The following PRKAR1B variants were observed in gnomAD, a reference collection of about 807,000 sequenced individuals.
PRKAR1B encodes the protein protein kinase cAMP-dependent type I regulatory subunit beta.
A neutral mutation model predicts 46.5 loss-of-function variants in PRKAR1B; 22 were observed. The ratio of observed to expected loss-of-function variants is 0.47; its 90% CI spans 0.34 to 0.68. The LOEUF (loss-of-function observed/expected upper bound fraction) is 0.68. PRKAR1B is among the 30% of genes least tolerant of loss of function. The pLI, the probability that PRKAR1B is intolerant of heterozygous loss-of-function variation, is 0.01. For synonymous variants in PRKAR1B, 259 were observed against 217.7 expected (o/e 1.19, Z -1.67); for missense variants, 445 against 535.6 (o/e 0.83, Z 1.67).
chr7:711,295 C>A (rs770081091), intron 2 of PRKAR1B, 34 bp downstream of exon 2: 2 of 1,611,500 alleles, frequency 1.2e-6, no homozygotes, highest in Non-Finnish European at 1.7e-6. Context: ...AGGACACGTG[C>A]GAAGGGAAGC....
At chr7:708,353 G>A (rs1425615765) in intron 2 of PRKAR1B, among the ~76,000 whole-genome samples, 2 of 152,216 alleles carry the variant, frequency 1.3e-5, no homozygotes, top group East Asian at 1.9e-4. Context: ...GTGTGGTACA[G>A]TCATCCCCTG....
chr7:698,204 A>G (rs1779873510), intron 2 of PRKAR1B, among the ~76,000 whole-genome samples: 1 of 152,090 alleles, frequency 6.6e-6, no homozygotes, highest in African/African-American at 2.4e-5. Context: ...CAGGAGTTCA[A>G]GACCAGCCTG....
At chr7:607,367 C>A (rs1234543812) in intron 5 of PRKAR1B, 24 bp downstream of exon 5, 1 of 1,607,388 alleles carries the variant, frequency 6.2e-7, no homozygotes, top group Non-Finnish European at 8.5e-7. Context: ...TGGACTTTGG[C>A]TCCGAGGAGC....
At chr7:622,089 C>A (rs1783136653) in intron 4 of PRKAR1B, among the ~76,000 whole-genome samples, 2 of 152,228 alleles carry the variant, frequency 1.3e-5, no homozygotes, top group Admixed American at 1.3e-4. Context: ...TGTGGAACTG[C>A]AGCCAGAGGT....
intron 2 of PRKAR1B, among the ~76,000 whole-genome samples, chr7:698,503 T>C (rs1188661326): frequency 6.6e-6 from 1 of 152,038 alleles, no homozygotes; most frequent in Non-Finnish European, 1.5e-5. Flanking sequence ...TCTAGGTAAG[T>C]ACGTGCGTGA....
chr7:711,285 A>G (rs1016322392), intron 2 of PRKAR1B, 44 bp downstream of exon 2: 1 of 1,607,222 alleles, frequency 6.2e-7, no homozygotes, highest in African/African-American at 1.3e-5. Context: ...CCTCTGCCCC[A>G]GGACACGTGC....
At chr7:594,570 T>G (rs2128455766) in intron 7 of PRKAR1B, among the ~76,000 whole-genome samples, 1 of 152,108 alleles carries the variant, frequency 6.6e-6, no homozygotes, top group Non-Finnish European at 1.5e-5. Context: ...CCTGGAGGCC[T>G]CTGCCCAGCG....
chr7:639,216 T>C (rs28478003), intron 4 of PRKAR1B, among the ~76,000 whole-genome samples: 24,540 of 152,232 alleles, frequency 0.16, 2,229 homozygotes, highest in South Asian at 0.3. Flanking sequence ...ACAAAACCAC[T>C]GTAATCAAGA....
rs200894141 is a variant in PRKAR1B, at chr7:560,359, AAAT to A, written c.892-8892_892-8890del. Among the ~76,000 whole-genome samples the A allele has an allele frequency of 0.24, 35,303 of 146,444 alleles. 5,566 individuals carry two copies. Among genetic ancestry groups the A allele is most frequent in the African/African-American group, 0.42 (17,006 of 40,076 alleles). On this transcript the variant is annotated intron_variant, in intron 9 of 10. Coordinates refer to ENST00000537384, the MANE Select transcript of PRKAR1B (RefSeq NM_001164760.2). This position sits in a 1 kb window ranked among gnomAD's most constrained non-coding sequence, Gnocchi z 4.2. ...TAGCAGTGTTAGAATGAACTAATACAAATAATAATAATAATAATAATAATAATA... is the reference window on the plus strand; with the variant it reads ...TAGCAGTGTTAGAATGAACTAATACAAATAATAATAATAATAATAATAATA...
chr7:620,017 C>CTTTT (rs71016891), intron 4 of PRKAR1B, among the ~76,000 whole-genome samples: 1 of 131,026 alleles, frequency 7.6e-6, no homozygotes, highest in African/African-American at 2.9e-5. Context: ...TACCCAGCTA[C>CTTTT]TTTTTTTTTT....
At chr7:579,484 A>C (rs1780059483) in intron 8 of PRKAR1B, 107 bp from the exon 9 acceptor site, 1 of 1,399,466 alleles carries the variant, frequency 7.1e-7, no homozygotes, top group South Asian at 1.3e-5. Flanking sequence ...AGAAGCAATC[A>C]CAACACCAGC....
intron 8 of PRKAR1B, 43 bp downstream of exon 8, chr7:584,465 C>T: frequency 6.3e-7 from 1 of 1,588,666 alleles, no homozygotes; most frequent in South Asian, 1.1e-5. Flanking sequence ...AGCAGGCGCC[C>T]AGATGTCGGG....
At chr7:557,223 A>G (rs2128422530) in intron 9 of PRKAR1B, among the ~76,000 whole-genome samples, 1 of 152,254 alleles carries the variant, frequency 6.6e-6, no homozygotes, top group South Asian at 2.1e-4. Flanking sequence ...CTCAGAGCCC[A>G]GCAGACCTGG....
At chr7:557,050 C>T (rs1230307387) in intron 9 of PRKAR1B, among the ~76,000 whole-genome samples, 2 of 152,238 alleles carry the variant, frequency 1.3e-5, no homozygotes, top group Non-Finnish European at 2.9e-5. Flanking sequence ...CCCTCCCACC[C>T]CCGGCCTGGG....
chr7:655,090 T>C (rs957163017), intron 4 of PRKAR1B, among the ~76,000 whole-genome samples: 8 of 152,208 alleles, frequency 5.3e-5, no homozygotes, highest in African/African-American at 1.9e-4. Context: ...ACCTCTTAAC[T>C]GGGTTTTCCA....
intron 4 of PRKAR1B, among the ~76,000 whole-genome samples, chr7:620,293 C>T (rs1331270864): frequency 6.6e-6 from 1 of 152,154 alleles, no homozygotes; most frequent in Non-Finnish European, 1.5e-5. Flanking sequence ...ATACAGACCG[C>T]CTCTCCCTAT....
chr7:632,684 T>A (rs1583328800), intron 4 of PRKAR1B, among the ~76,000 whole-genome samples: 1 of 152,172 alleles, frequency 6.6e-6, no homozygotes, highest in African/African-American at 2.4e-5. Flanking sequence ...CTGAGCTCAC[T>A]CCGGTTCATC....
chr7:728,930 G>A (rs1268068670), upstream of PRKAR1B, among the ~76,000 whole-genome samples: 3 of 152,102 alleles, frequency 2.0e-5, no homozygotes, highest in East Asian at 1.9e-4. Context: ...TTTCCCAGAC[G>A]GGCCCCAAGT....
At chr7:708,644 G>A (rs532753368) in intron 2 of PRKAR1B, among the ~76,000 whole-genome samples, 177 of 151,454 alleles carry the variant, frequency 1.2e-3, no homozygotes, top group African/African-American at 4.1e-3. Flanking sequence ...ATGCCACCAC[G>A]CCCAGTTAAT....
Sources: allele counts gnomAD v4.1 joint callset (sites outside exome capture counted in the v4.1 genomes callset), GRCh38; gene constraint gnomAD v4.1.1; non-coding constraint Gnocchi (gnomAD v3.1); transcripts MANE v1.5; gene names NCBI Gene and HGNC (gene_info 2026-07-23, HGNC 2026-07-21).